The following FNDC3B variants were observed in gnomAD, a reference collection of about 807,000 sequenced individuals.
FNDC3B encodes the protein fibronectin type III domain-containing protein 3B.
Under a neutral mutation model 151.5 loss-of-function variants are expected in FNDC3B, and 12 were observed. That is an observed-to-expected ratio of 0.08 (90% confidence interval 0.05 to 0.13). FNDC3B has a LOEUF of 0.13. Ranked by LOEUF, FNDC3B falls within the 10% of genes least tolerant of loss-of-function variation. FNDC3B has a pLI of 1.00. For synonymous variants in FNDC3B, 528 were observed against 549.0 expected, an observed-to-expected ratio of 0.96 and a Z score of 0.54; for missense variants, 1,214 against 1,505.3, an observed-to-expected ratio of 0.81 and a Z score of 3.20.
Position 172,123,297 on chromosome 3 carries a change from C to T in FNDC3B, c.112-10174C>T, listed in dbSNP as rs544109221. ...CAAGCCATCGTCCTGCCTAGACCTCCCAAAATGTGGGATTACACAGGTGTG... is the reference window on the plus strand; with the variant it reads ...CAAGCCATCGTCCTGCCTAGACCTCTCAAAATGTGGGATTACACAGGTGTG... On this transcript the variant is annotated intron_variant, in intron 2 of 25. Coordinates refer to ENST00000415807, the MANE Select transcript of FNDC3B (RefSeq NM_022763.4). Among the ~76,000 whole-genome samples the T allele has an allele frequency of 3.3e-5, 5 of 152,290 alleles. No individual in the cohort carries two copies. The East Asian group carries it at 9.6e-4, about 29-fold the overall frequency.
At chr3:172,093,539 T>C (rs566231271) in intron 1 of FNDC3B, among the ~76,000 whole-genome samples, 2 of 152,252 alleles carry the variant, frequency 1.3e-5, no homozygotes, top group African/African-American at 2.4e-5. Context: ...ATTACAGGCG[T>C]GAGTCACCGC....
At chr3:172,106,614 G>A (rs1468927296) in intron 1 of FNDC3B, among the ~76,000 whole-genome samples, 1 of 152,198 alleles carries the variant, frequency 6.6e-6, no homozygotes, top group African/African-American at 2.4e-5. Context: ...ACATTTTGTT[G>A]TTAATTTGAA....
chr3:172,168,430 G>A (rs115215888), intron 3 of FNDC3B, among the ~76,000 whole-genome samples: 1,582 of 152,288 alleles, frequency 0.01, 25 homozygotes, highest in African/African-American at 0.037. Flanking sequence ...CTTTGCCCTA[G>A]TAGGATGGAG....
chr3:172,311,545 A>T (rs1731491305), intron 11 of FNDC3B, among the ~76,000 whole-genome samples: 1 of 152,008 alleles, frequency 6.6e-6, no homozygotes, highest in Non-Finnish European at 1.5e-5. Context: ...GGCAGGAAAC[A>T]CTTGACCTAG....
chr3:172,279,956 T>C (rs1661918502), intron 6 of FNDC3B, among the ~76,000 whole-genome samples: 1 of 152,112 alleles, frequency 6.6e-6, no homozygotes, highest in South Asian at 2.1e-4. Flanking sequence ...CTCTGTTGCA[T>C]AGGCTGGAGT....
intron 3 of FNDC3B, among the ~76,000 whole-genome samples, chr3:172,183,069 C>T (rs1302226136): frequency 3.9e-5 from 6 of 152,146 alleles, no homozygotes; most frequent in East Asian, 1.9e-4. Flanking sequence ...AAATAAGGAG[C>T]CCCTGGGCAG....
chr3:172,059,386 A>G (rs1717074252), intron 1 of FNDC3B, among the ~76,000 whole-genome samples: 1 of 152,174 alleles, frequency 6.6e-6, no homozygotes, highest in South Asian at 2.1e-4. Context: ...AGGACTCCTG[A>G]CACTAATTGT....
intron 6 of FNDC3B, among the ~76,000 whole-genome samples, chr3:172,273,797 C>T (rs1418752157): frequency 6.6e-6 from 1 of 152,140 alleles, no homozygotes; most frequent in South Asian, 2.1e-4. Context: ...TCTTCAAATA[C>T]AGAAAAACAT....
At chr3:172,278,104 T>A (rs143270529) in intron 6 of FNDC3B, among the ~76,000 whole-genome samples, 1 of 152,346 alleles carries the variant, frequency 6.6e-6, no homozygotes, top group Non-Finnish European at 1.5e-5. Context: ...TAAGAAAATG[T>A]GGATGTAAAC....
chr3:172,357,763 A>G (rs189380786), intron 22 of FNDC3B, among the ~76,000 whole-genome samples: 34 of 152,144 alleles, frequency 2.2e-4, no homozygotes, highest in South Asian at 6.2e-4. Context: ...TGAATGTTAC[A>G]TCATCATTAG....
In FNDC3B at chr3:172,344,163, G is replaced by C. The variant is rs1163527676; in HGVS notation, c.2155G>C (p.Glu719Gln). The change falls in exon 19 of 26, where the codon GAA (glutamate) becomes CAA (glutamine). Residue 719 changes from glutamate to glutamine, a missense_variant. Around this residue, in one of 7 missense-constraint regions of FNDC3B, gnomAD observed 380 missense variants for 420.9 expected, o/e 0.90. Coordinates refer to ENST00000415807, the MANE Select transcript of FNDC3B (RefSeq NM_022763.4). ...GACGGAGCCCGAAGACGTAGCCTCG[G>C]AAGTGTACCATGGCCCAGAGCTGGA... Reference protein sequence around the residue: ...EMTEPEDVASEVYHGPELECT... With the variant: ...EMTEPEDVASQVYHGPELECT... The C allele has an allele frequency of 6.2e-7, 1 of 1,614,070 alleles. No homozygotes were observed. Among genetic ancestry groups the C allele is most frequent in the Non-Finnish European group, 8.5e-7 (1 of 1,180,024 alleles).
At chr3:172,177,339 C>T (rs1723646785) in intron 3 of FNDC3B, among the ~76,000 whole-genome samples, 1 of 152,178 alleles carries the variant, frequency 6.6e-6, no homozygotes, top group Non-Finnish European at 1.5e-5. Context: ...TCCTTGGGCA[C>T]TTCTTTTACC....
In FNDC3B at chr3:172,139,211, A is replaced by T. The variant is rs143870556; in HGVS notation, c.187+5665A>T. On this transcript the variant is annotated intron_variant, in intron 3 of 25. Transcript: ENST00000415807. ...CTTATATGATACTTTAAGTGCATTT[A>T]TTAGACTTGTTTGGCACACTAAAAC... Among the ~76,000 whole-genome samples, 1,058 of 151,802 alleles carry T rather than the reference A, an allele frequency of 7.0e-3. 7 individuals are homozygous for T. Among genetic ancestry groups the T allele is most frequent in the Non-Finnish European group, 8.2e-3 (558 of 67,984 alleles).
intron 6 of FNDC3B, among the ~76,000 whole-genome samples, chr3:172,280,852 A>T (rs1275170671): frequency 6.6e-6 from 1 of 152,230 alleles, no homozygotes; most frequent in South Asian, 2.1e-4. Context: ...TTTAAATTTC[A>T]CATGACACAT....
At chr3:172,344,296 T>G (rs1287774927) in intron 19 of FNDC3B, 38 bp downstream of exon 19, 1 of 1,556,602 alleles carries the variant, frequency 6.4e-7, no homozygotes, top group Middle Eastern at 1.8e-4. Context: ...AGAATCAGAA[T>G]GCATAATCAG....
chr3:172,330,371 G>A (rs970462111), intron 12 of FNDC3B, 170 bp from the exon 13 acceptor site: 3 of 527,230 alleles, frequency 5.7e-6, no homozygotes, highest in Non-Finnish European at 1.0e-5. Flanking sequence ...TGGGGGGATG[G>A]GGAAGCTGAA....
At chr3:172,108,035 G>A (rs1719748032) in intron 1 of FNDC3B, among the ~76,000 whole-genome samples, 1 of 152,100 alleles carries the variant, frequency 6.6e-6, no homozygotes, top group South Asian at 2.1e-4. Context: ...GGGCATGGTG[G>A]CACGTGCCTG....
rs370765006 is a variant in FNDC3B at position 172,242,792 on chromosome 3, A to C, written c.265-4741A>C. Among the ~76,000 whole-genome samples, 3 of 152,204 alleles carry C rather than the reference A, an allele frequency of 2.0e-5. No individual in the cohort carries two copies. In the South Asian group the frequency reaches 6.2e-4, roughly 32 times the overall value. On this transcript the variant is annotated intron_variant, in intron 4 of 25. Coordinates refer to ENST00000415807, the MANE Select transcript of FNDC3B (RefSeq NM_022763.4). ...CATTCAGCTCTTTGTTACTTAAGCA[A>C]ATTTCTGCAGTGGGCTTGAATTTCT...
In FNDC3B at chr3:172,352,102, C is replaced by T. The variant is rs987298834; in HGVS notation, c.2515-701C>T. ...AGTACTGAGGGCTGATACTCACCAG[C>T]GTTAAGAGTTCAGGGGATGGTGGCA... On this transcript the variant is annotated intron_variant, in intron 21 of 25. Coordinates refer to ENST00000415807, the MANE Select transcript of FNDC3B (RefSeq NM_022763.4). This position sits in a 1 kb window ranked among gnomAD's most constrained non-coding sequence, Gnocchi z 4.2. 3.3e-5 allele frequency among the ~76,000 whole-genome samples: 5 copies of T among 152,032 alleles called. No homozygotes were observed. Among genetic ancestry groups the T allele is most frequent in the African/African-American group, 4.8e-5 (2 of 41,356 alleles).
Sources: gnomAD v4.1 joint callset for allele counts (sites outside exome capture counted in the v4.1 genomes callset) on GRCh38, gnomAD v4.1.1 for gene constraint, gnomAD v4.1.1 regional missense constraint, Gnocchi (gnomAD v3.1) non-coding constraint, MANE v1.5 for transcripts, NCBI Gene and HGNC (gene_info 2026-07-23, HGNC 2026-07-21) for gene names.